ADAMTS10: variants seen among roughly 807,000 people sequenced by gnomAD.
The protein encoded by ADAMTS10 is A disintegrin and metalloproteinase with thrombospondin motifs 10.
A neutral mutation model predicts 135.9 loss-of-function variants in ADAMTS10; 48 were observed. The ratio of observed to expected loss-of-function variants is 0.35; its 90% CI spans 0.28 to 0.45. ADAMTS10 has a LOEUF of 0.45. Among genes scored for constraint, ADAMTS10 ranks in the 20% least tolerant of loss-of-function variants. The probability of loss-of-function intolerance (pLI) is 1.00; values close to 1 mark genes in which losing one functional copy is unlikely to be tolerated. For missense variants in ADAMTS10, 1,131 were observed against 1,565.2 expected, an observed-to-expected ratio of 0.72 and a Z score of 4.68; for synonymous variants, 621 against 647.5, an observed-to-expected ratio of 0.96 and a Z score of 0.62.
rs782147687 is a variant in ADAMTS10, at chr19:8,581,015, G to C, written c.3203-13C>G. On this transcript the variant is annotated splice_polypyrimidine_tract_variant and intron_variant, in intron 25 of 25. Transcript: ENST00000597188. ...ACATCCTTGCACTCTGCGGGGACGG[G>C]AGAAGGAAGGAAAAATCAGGTCTCA... The C allele has an allele frequency of 6.2e-7, 1 of 1,600,194 alleles. No individual in the cohort carries two copies. Among genetic ancestry groups the C allele is most frequent in the Admixed American group, 1.7e-5 (1 of 59,354 alleles).
chr19:8,609,868 C>G (rs919487460), intron 1 of ADAMTS10, among the ~76,000 whole-genome samples: 30 of 151,984 alleles, frequency 2.0e-4, no homozygotes, highest in Admixed American at 7.2e-4. Context: ...GACGCCTCCA[C>G]CGCAGACACA....
In ADAMTS10 at chr19:8,592,005, G is replaced by A; in HGVS notation, c.1686C>T (p.Thr562=). 1.2e-6 allele frequency: 2 copies of A among 1,613,738 alleles called. No homozygotes were observed. Among genetic ancestry groups the A allele is most frequent in the Non-Finnish European group, 1.7e-6 (2 of 1,179,836 alleles). The change falls in exon 14 of 26, where the codon ACC becomes ACT. Residue 562 remains threonine, a synonymous_variant. Coordinates refer to ENST00000597188, the MANE Select transcript of ADAMTS10 (RefSeq NM_030957.4). ...TAGAAGAGGACACGCCGCCGCCACA[G>A]GTCCGGCTGCAGTCGCCCCATGGAG... ...PWTPWGDCSR[T]CGGGVSSSSR...
chr19:8,586,053 C>G, intron 22 of ADAMTS10, 69 bp downstream of exon 22: 1 of 1,609,192 alleles, frequency 6.2e-7, no homozygotes, highest in Non-Finnish European at 8.5e-7. Context: ...CCCCCTGGAG[C>G]ACTCGCTCTT....
chr19:8,585,578 C>A lies in ADAMTS10; in HGVS notation c.2743G>T (p.Val915Phe), dbSNP rs1555736841. The A allele has an allele frequency of 6.2e-7, 1 of 1,607,178 alleles. No individual in the cohort carries two copies. Among genetic ancestry groups the A allele is most frequent in the Non-Finnish European group, 8.5e-7 (1 of 1,177,464 alleles). Residue 915 changes from valine to phenylalanine, a missense_variant, in exon 23 of 26, where the codon GTC becomes TTC. This residue lies in a region of ADAMTS10 where 745 missense variants were observed against 1,056.3 expected (regional missense o/e 0.71). Coordinates refer to ENST00000597188, the MANE Select transcript of ADAMTS10 (RefSeq NM_030957.4). ...AGCGCCTTCTCCTCCGCGGCAGAGA[C>A]GCGGCGCTGGCACACGACCGAGCGG... ...RSRSVVCQRR[V>F]SAAEEKALDD...
At chr19:8,606,407 C>A (rs769574105) in intron 2 of ADAMTS10, among the ~76,000 whole-genome samples, 29 of 152,082 alleles carry the variant, frequency 1.9e-4, no homozygotes, top group Middle Eastern at 3.2e-3. Context: ...ATGGTCATCA[C>A]GCTCTTTTTT....
chr19:8,600,973 G>A lies in ADAMTS10; in HGVS notation c.765C>T (p.His255=), dbSNP rs782481712. The A allele has an allele frequency of 1.1e-5, 18 of 1,614,026 alleles. No homozygotes were observed. The highest frequency in any genetic ancestry group is 1.6e-4 in the Middle Eastern group (1 of 6,084). Residue 255 remains histidine (H), a synonymous_variant, in exon 6 of 26, where the codon CAC becomes CAT. Transcript: ENST00000597188. ...VVADKMMVAY[H]GRRDVEQYVL... ...CATACTGCTCCACATCCCGGCGCCCGTGATAGGCCACCATCATCTTGTCAG... is the reference window on the plus strand; with the variant it reads ...CATACTGCTCCACATCCCGGCGCCCATGATAGGCCACCATCATCTTGTCAG...
chr19:8,600,502 T>TTC (rs1347703992), intron 6 of ADAMTS10, among the ~76,000 whole-genome samples: 3 of 66,630 alleles, frequency 4.5e-5, no homozygotes, highest in African/African-American at 2.2e-4. Flanking sequence ...TTTCTTTTCT[T>TTC]TTTTTTTTTT....
intron 15 of ADAMTS10, 30 bp downstream of exon 15, chr19:8,591,770 C>T (rs782022409): frequency 1.1e-5 from 17 of 1,612,240 alleles, no homozygotes; most frequent in Non-Finnish European, 1.4e-5. Context: ...CTTCCTCCCC[C>T]CACCCCTCAA....
intron 12 of ADAMTS10, 114 bp from the exon 13 acceptor site, chr19:8,592,984 C>T (rs1555739522): frequency 5.2e-6 from 5 of 960,098 alleles, no homozygotes; most frequent in East Asian, 2.6e-5. Flanking sequence ...GAGCAGAGAG[C>T]CCGGTGCTCC....
intron 25 of ADAMTS10, among the ~76,000 whole-genome samples, chr19:8,582,068 A>C (rs2042360371): frequency 6.6e-6 from 1 of 151,902 alleles, no homozygotes; most frequent in Non-Finnish European, 1.5e-5. Flanking sequence ...CGACCCAATA[A>C]AACAAAAGAA....
chr19:8,597,166 C>T lies in ADAMTS10; in HGVS notation c.895-34G>A, dbSNP rs1568402376. 7 of 1,614,004 alleles carry T rather than the reference C, an allele frequency of 4.3e-6. No individual in the cohort carries two copies. The East Asian group carries it at 6.7e-5, about 15-fold the overall frequency. On this transcript the variant is annotated intron_variant, in intron 7 of 25. Transcript: ENST00000597188. ...GGACAGAGGGAAATGCATGGGCACC[C>T]ACCACCCAGGGGACGGCAGGACATG...
intron 13 of ADAMTS10, among the ~76,000 whole-genome samples, 188 bp downstream of exon 13, chr19:8,592,575 C>T (rs1041519109): frequency 6.7e-6 from 1 of 149,436 alleles, no homozygotes; most frequent in African/African-American, 2.5e-5. Flanking sequence ...GACGCATAGA[C>T]GGTGGGCGTG....
At position 8,586,732 on chromosome 19, in the gene ADAMTS10, A is replaced by G. The variant is rs1600096826; in HGVS notation, c.2240-11T>C. The stretch of plus-strand genomic sequence containing the variant: ...GGTCTCCCTTCAGGGCTGGGGGACG[A>G]TGCAGGGTTCAGAATTCTAGTCATG... On this transcript the variant is annotated splice_polypyrimidine_tract_variant and intron_variant, in intron 19 of 25. Transcript: ENST00000597188. 1 of 1,614,098 alleles carries G rather than the reference A, an allele frequency of 6.2e-7. No individual in the cohort carries two copies. Among genetic ancestry groups the G allele is most frequent in the East Asian group, 2.2e-5 (1 of 44,872 alleles).
At position 8,589,551 on chromosome 19, in the gene ADAMTS10, C is replaced by A. The variant is rs200551849; in HGVS notation, c.1935G>T (p.Ala645=). The change falls in exon 17 of 26, where the codon GCG becomes GCT. Residue 645 remains alanine, a synonymous_variant. Transcript: ENST00000597188. ...GVKACSLTCL[A]EGFNFYTERA... ...TCTCCGTGTAGAAGTTGAAGCCTTC[C>A]GCTAGGCACGTGAGCGAGCAGGCCT... 1 of 1,613,464 alleles carries A rather than the reference C, an allele frequency of 6.2e-7. No homozygotes were observed. Among genetic ancestry groups the A allele is most frequent in the South Asian group, 1.1e-5 (1 of 91,082 alleles).
At chr19:8,583,701 C>A (rs2042384087) in intron 25 of ADAMTS10, among the ~76,000 whole-genome samples, 1 of 151,654 alleles carries the variant, frequency 6.6e-6, no homozygotes, top group Non-Finnish European at 1.5e-5. Flanking sequence ...TACAAGAATA[C>A]AAAAATTAAC....
chr19:8,609,478 G>C (rs1345862422), intron 1 of ADAMTS10, among the ~76,000 whole-genome samples: 1 of 152,096 alleles, frequency 6.6e-6, no homozygotes, highest in African/African-American at 2.4e-5. Context: ...GGACAGGGCC[G>C]ACGGAAGGTC....
At chr19:8,600,857 C>T in intron 6 of ADAMTS10, 71 bp downstream of exon 6, 1 of 1,579,942 alleles carries the variant, frequency 6.3e-7, no homozygotes, top group Middle Eastern at 1.7e-4. Flanking sequence ...TGGTAGCCAC[C>T]CCCTTGCCTA....
chr19:8,607,381 C>T (rs1483379252), intron 2 of ADAMTS10, among the ~76,000 whole-genome samples: 2 of 152,108 alleles, frequency 1.3e-5, no homozygotes, highest in Non-Finnish European at 2.9e-5. Flanking sequence ...CCCCGTCCTC[C>T]ATTCAGATTC....
intron 1 of ADAMTS10, among the ~76,000 whole-genome samples, chr19:8,609,698 A>G (rs1480202370): frequency 6.6e-6 from 1 of 152,138 alleles, no homozygotes; most frequent in African/African-American, 2.4e-5. Flanking sequence ...CGACCGCTGG[A>G]GACACCCTGA....
Sources: allele counts gnomAD v4.1 joint callset (sites outside exome capture counted in the v4.1 genomes callset), GRCh38; gene constraint gnomAD v4.1.1; regional missense constraint gnomAD v4.1.1; transcripts MANE v1.5; gene names NCBI Gene and HGNC (gene_info 2026-07-23, HGNC 2026-07-21).